ADGRE1: variants seen among roughly 807,000 people sequenced by gnomAD.
The protein encoded by ADGRE1 is EGF-like module receptor 1.
A neutral mutation model predicts 102.7 loss-of-function variants in ADGRE1; 82 were observed. That is an observed-to-expected ratio of 0.80 (90% CI 0.67 to 0.96). ADGRE1 has a LOEUF of 0.96. ADGRE1 is among the 40% of genes least tolerant of loss of function. The probability of loss-of-function intolerance (pLI) is 0.00; values close to 1 mark genes in which losing one functional copy is unlikely to be tolerated. For synonymous variants in ADGRE1, 398 were observed against 399.6 expected (o/e 1.00, Z 0.05); for missense variants, 1,032 against 1,085.3 (o/e 0.95, Z 0.69).
chr19:6,916,579 T>C (rs948883677), intron 12 of ADGRE1, among the ~76,000 whole-genome samples: 1 of 152,076 alleles, frequency 6.6e-6, no homozygotes, highest in African/African-American at 2.4e-5. Context: ...CACTGGCCTA[T>C]ATGATATGTG....
intron 5 of ADGRE1, among the ~76,000 whole-genome samples, chr19:6,901,566 T>A (rs73920238): frequency 0.013 from 1,936 of 152,310 alleles, 44 homozygotes; most frequent in African/African-American, 0.045. Context: ...CATCTTGGGG[T>A]GTAAATACAG....
chr19:6,905,360 CTT>C (rs71177126), intron 8 of ADGRE1, among the ~76,000 whole-genome samples: 2 of 134,376 alleles, frequency 1.5e-5, no homozygotes, highest in Non-Finnish European at 1.6e-5. Context: ...GTTTTTTTTT[CTT>C]TTTTTTTTTT....
chr19:6,916,717 A>G (rs1214558874), intron 12 of ADGRE1, among the ~76,000 whole-genome samples: 1 of 151,820 alleles, frequency 6.6e-6, no homozygotes, highest in East Asian at 1.9e-4. Flanking sequence ...CGTCTCACTC[A>G]TCTTTTTTAT....
intron 18 of ADGRE1, among the ~76,000 whole-genome samples, chr19:6,936,112 A>G (rs1483297715): frequency 6.6e-6 from 1 of 152,132 alleles, no homozygotes; most frequent in African/African-American, 2.4e-5. Context: ...TCCCTTATCC[A>G]TTTTAAATAT....
chr19:6,914,921 C>T (rs1001693211), intron 11 of ADGRE1, among the ~76,000 whole-genome samples: 10 of 151,950 alleles, frequency 6.6e-5, no homozygotes, highest in African/African-American at 1.4e-4. Context: ...CAATGAGGTG[C>T]ACAGTGTGGC....
In ADGRE1 at chr19:6,921,672, C is replaced by T. The variant is rs564672460; in HGVS notation, c.1621-41C>T. Reference sequence around the variant, plus strand: ...ACATTTAATCCATTTGATGGGGATTCCCAGAAGACCTTTGTTTTTTTGTTT... The same window carrying T: ...ACATTTAATCCATTTGATGGGGATTTCCAGAAGACCTTTGTTTTTTTGTTT... On this transcript the variant is annotated intron_variant, in intron 13 of 20. Coordinates refer to ENST00000312053, the MANE Select transcript of ADGRE1 (RefSeq NM_001974.5). 3.6e-5 allele frequency: 55 copies of T among 1,515,674 alleles called. No individual in the cohort carries two copies. The East Asian group carries it at 9.6e-4, about 26-fold the overall frequency. 93.9% of individuals were successfully genotyped at this position (1,515,674 alleles called of 1,614,324 possible). A position where few individuals can be genotyped will look rare whatever the true frequency, so the allele number is the denominator to read the frequency against.
chr19:6,934,875 G>A, intron 17 of ADGRE1, 112 bp from the exon 18 acceptor site: 1 of 560,038 alleles, frequency 1.8e-6, no homozygotes, highest in Non-Finnish European at 2.9e-6. Flanking sequence ...CCAAAGTGCT[G>A]GGATTACAGA....
chr19:6,897,292 TTC>T lies in ADGRE1; in HGVS notation c.385_386del (p.Ser129LeufsTer3), dbSNP rs1973594321. 1.2e-6 allele frequency: 2 copies of T among 1,613,902 alleles called. No individual in the cohort carries two copies. Among genetic ancestry groups the T allele is most frequent in the African/African-American group, 2.7e-5 (2 of 74,936 alleles). ...NDWVPGKPGN[F>X]SCTDINECLT... Reference sequence around the variant, plus strand: ...CTGGGTCCCAGGAAAGCCGGGCAATTTCTCCTGTACTGGTAATGCTCTCAGGT... The same window carrying T: ...CTGGGTCCCAGGAAAGCCGGGCAATTTCCTGTACTGGTAATGCTCTCAGGT... On this transcript the variant is annotated frameshift_variant, in exon 4 of 21. Transcript: ENST00000312053. LOFTEE classifies it high-confidence loss of function.
At chr19:6,932,516 G>A (rs1008186065) in intron 17 of ADGRE1, among the ~76,000 whole-genome samples, 5 of 152,122 alleles carry the variant, frequency 3.3e-5, no homozygotes, top group Non-Finnish European at 7.4e-5. Flanking sequence ...AAGGCTATCT[G>A]TTGGGGTTCC....
At position 6,903,953 on chromosome 19, in the gene ADGRE1, G is replaced by A. The variant is rs1283873043; in HGVS notation, c.802+3G>A. On this transcript the variant is annotated splice_donor_region_variant and intron_variant, in intron 7 of 20. Transcript: ENST00000312053. ...AGACCAAGGAGTGGAATGTAGAGGT[G>A]AGCAGAGAGTTTGATGGACAATCCA... 6 of 1,614,060 alleles carry A rather than the reference G, an allele frequency of 3.7e-6. No homozygotes were observed. The highest frequency in any genetic ancestry group is 5.1e-6 in the Non-Finnish European group (6 of 1,180,042).
In ADGRE1 at chr19:6,937,655, G is replaced by C. The variant is rs1449842985; in HGVS notation, c.2655+7G>C. ...GCCATCCGCTTCCAAGACGGTGAGA[G>C]ACTGCATGCTCCCTGCAGGTGCTGG... On this transcript the variant is annotated splice_region_variant and intron_variant, in intron 20 of 20. Coordinates refer to ENST00000312053, the MANE Select transcript of ADGRE1 (RefSeq NM_001974.5). 6.2e-7 allele frequency: 1 copy of C among 1,613,680 alleles called. No homozygotes were observed. The highest frequency in any genetic ancestry group is 1.7e-5 in the Admixed American group (1 of 60,012).
At chr19:6,929,405 C>A (rs897621379) in intron 17 of ADGRE1, among the ~76,000 whole-genome samples, 1 of 152,140 alleles carries the variant, frequency 6.6e-6, no homozygotes, top group Admixed American at 6.6e-5. Context: ...CGCGAGGAAG[C>A]TGGCCACCCA....
intron 12 of ADGRE1, among the ~76,000 whole-genome samples, chr19:6,918,448 A>G (rs553571718): frequency 2.6e-4 from 40 of 152,204 alleles, no homozygotes; most frequent in African/African-American, 8.9e-4. Flanking sequence ...CTCAAAAAAA[A>G]AAGAAGATGG....
intron 5 of ADGRE1, 191 bp downstream of exon 5, chr19:6,897,738 G>C: frequency 2.0e-6 from 1 of 488,558 alleles, no homozygotes; most frequent in East Asian, 4.3e-5. Context: ...TTACATGCTA[G>C]GTAGGTCTCT....
intron 11 of ADGRE1, among the ~76,000 whole-genome samples, chr19:6,915,248 T>G (rs572709143): frequency 1.3e-5 from 2 of 152,190 alleles, no homozygotes; most frequent in South Asian, 4.1e-4. Flanking sequence ...GCTCAAGTGA[T>G]CCTCCTGCTC....
chr19:6,922,612 T>TCACACA (rs770150909), intron 14 of ADGRE1, among the ~76,000 whole-genome samples: 163 of 123,224 alleles, frequency 1.3e-3, no homozygotes, highest in Middle Eastern at 4.0e-3. Context: ...AGACTCTGTC[T>TCACACA]CACACACACA....
At chr19:6,899,609 G>A (rs2144901017) in intron 5 of ADGRE1, among the ~76,000 whole-genome samples, 1 of 152,010 alleles carries the variant, frequency 6.6e-6, no homozygotes, top group Middle Eastern at 3.4e-3. Context: ...GAACCTGGGA[G>A]GCGGAGGTTG....
intron 9 of ADGRE1, among the ~76,000 whole-genome samples, chr19:6,907,164 G>C (rs948622455): frequency 5.3e-5 from 8 of 152,046 alleles, no homozygotes; most frequent in Non-Finnish European, 1.5e-5. Context: ...CTAAATATGA[G>C]CTTGTAAATT....
In ADGRE1 at chr19:6,910,717, G is replaced by A. The variant is rs529294078; in HGVS notation, c.1122+1945G>A. On this transcript the variant is annotated intron_variant, in intron 10 of 20. Coordinates refer to ENST00000312053, the MANE Select transcript of ADGRE1 (RefSeq NM_001974.5). ...CTCCCAAGTAGCTGGGACTACAGGC[G>A]CCCACCACCAAGCGTGGGTAATATT... Among the ~76,000 whole-genome samples, 614 of 151,634 alleles carry A rather than the reference G, an allele frequency of 4.0e-3. 4 individuals carry two copies. Among genetic ancestry groups the A allele is most frequent in the Non-Finnish European group, 6.9e-3 (469 of 67,920 alleles).
Sources: allele counts gnomAD v4.1 joint callset (sites outside exome capture counted in the v4.1 genomes callset), GRCh38; gene constraint gnomAD v4.1.1; transcripts MANE v1.5; gene names NCBI Gene and HGNC (gene_info 2026-07-23, HGNC 2026-07-21).